Variants in PDE4D observed in about 807,000 individuals in gnomAD.
PDE4D encodes phosphodiesterase 4D, also known as 3',5'-cyclic-AMP phosphodiesterase 4D.
In PDE4D, 24 loss-of-function variants were observed where a neutral mutation model predicts 87.4. The ratio of observed to expected loss-of-function variants is 0.27; its 90% CI spans 0.20 to 0.39. The LOEUF (loss-of-function observed/expected upper bound fraction) is 0.39. Among genes scored for constraint, PDE4D ranks in the 10% least tolerant of loss-of-function variants. The pLI is 1.00. For missense variants in PDE4D, 714 were observed against 1,041.0 expected, an observed-to-expected ratio of 0.69 and a Z score of 4.32; for synonymous variants, 384 against 383.2, an observed-to-expected ratio of 1.00 and a Z score of -0.02.
chr5:59,571,274 C>G (rs1252040464), intron 1 of PDE4D, among the ~76,000 whole-genome samples: 1 of 152,212 alleles, frequency 6.6e-6, no homozygotes, highest in Non-Finnish European at 1.5e-5. Context: ...AAATACTGTA[C>G]TCAGCAGTTT....
intron 1 of PDE4D, among the ~76,000 whole-genome samples, chr5:59,548,797 T>G (rs1817672151): frequency 6.6e-6 from 1 of 152,170 alleles, no homozygotes; most frequent in Non-Finnish European, 1.5e-5. Flanking sequence ...GTCTCAGCTC[T>G]GCAGGGTGCA....
rs190651294 is a variant in PDE4D, at chr5:60,042,933, A to G, written c.43-54216T>C. On this transcript the variant is annotated intron_variant, in intron 2 of 16. Transcript: ENST00000502484. ...CTCACCAGCAAGGGAACAAAACTGG[A>G]TGGAGAATGAATTTGACAAATTGAC... Among the ~76,000 whole-genome samples, 969 of 152,254 alleles carry G rather than the reference A, an allele frequency of 6.4e-3. 11 individuals carry two copies. Among genetic ancestry groups the G allele is most frequent in the African/African-American group, 0.022 (917 of 41,562 alleles).
intron 5 of PDE4D, among the ~76,000 whole-genome samples, chr5:59,173,767 G>T (rs1024424755): frequency 6.6e-5 from 10 of 152,164 alleles, no homozygotes; most frequent in African/African-American, 2.2e-4. Flanking sequence ...AGGAAGTAGG[G>T]CTTCTCTGGC....
At chr5:60,359,054 C>T (rs1453525090) in intron 1 of PDE4D, among the ~76,000 whole-genome samples, 1 of 152,156 alleles carries the variant, frequency 6.6e-6, no homozygotes, top group Admixed American at 6.5e-5. Flanking sequence ...AGGTGGCTTC[C>T]ATTCTAAGTG....
chr5:59,053,512 A>G (rs988872403), intron 5 of PDE4D, among the ~76,000 whole-genome samples: 2 of 152,000 alleles, frequency 1.3e-5, no homozygotes, highest in Admixed American at 1.3e-4. Flanking sequence ...TTTGAGACAA[A>G]TTTGAGATTT....
chr5:59,731,889 G>T (rs1245047800), intron 1 of PDE4D, among the ~76,000 whole-genome samples: 1 of 152,130 alleles, frequency 6.6e-6, no homozygotes, highest in Non-Finnish European at 1.5e-5. Flanking sequence ...CATTAATTTG[G>T]TGTAAAGTGC....
intron 1 of PDE4D, among the ~76,000 whole-genome samples, chr5:59,290,999 A>C (rs893099372): frequency 6.6e-6 from 1 of 152,116 alleles, no homozygotes; most frequent in Non-Finnish European, 1.5e-5. Flanking sequence ...AAATTAGTAC[A>C]ACCACTATGG....
In PDE4D at chr5:59,384,990, G is replaced by A. The variant is rs184195929; in HGVS notation, c.456-169022C>T. 2.2e-3 allele frequency among the ~76,000 whole-genome samples: 327 copies of A among 152,002 alleles called. 2 individuals carry two copies. Among genetic ancestry groups the A allele is most frequent in the African/African-American group, 7.5e-3 (313 of 41,460 alleles). On this transcript the variant is annotated intron_variant, in intron 1 of 14. Transcript: ENST00000340635. Reference sequence around the variant, plus strand: ...ATATTTGCTTTACGGCTCAACTTCTGTTTTGCTAGTAGTTAATAATTGCTT... The same window carrying A: ...ATATTTGCTTTACGGCTCAACTTCTATTTTGCTAGTAGTTAATAATTGCTT...
intron 1 of PDE4D, among the ~76,000 whole-genome samples, chr5:60,217,248 T>C (rs953464551): frequency 3.1e-4 from 47 of 151,986 alleles, no homozygotes; most frequent in African/African-American, 1.1e-3. Flanking sequence ...TGCCAGACAA[T>C]GGGGACAAGG....
At position 60,343,467 on chromosome 5, in the gene PDE4D, C is replaced by T. The variant is rs138082342; in HGVS notation, c.-90+144475G>A. The stretch of plus-strand genomic sequence containing the variant: ...ATGATAACAATGATGATGATGATGA[C>T]GATGATAATGGTAGTGTCTATTAAG... On this transcript the variant is annotated intron_variant, in intron 1 of 16. Transcript: ENST00000502484. Among the ~76,000 whole-genome samples, 361 of 152,216 alleles carry T rather than the reference C, an allele frequency of 2.4e-3. 3 individuals carry two copies. The highest frequency in any genetic ancestry group is 0.015 in the South Asian group (74 of 4,820).
intron 1 of PDE4D, among the ~76,000 whole-genome samples, chr5:59,536,679 A>G (rs1460735611): frequency 6.6e-6 from 1 of 152,128 alleles, no homozygotes; most frequent in Non-Finnish European, 1.5e-5. Flanking sequence ...CTGTTATGAC[A>G]CATTTCTAAG....
chr5:59,077,282 G>A (rs1765845238), intron 5 of PDE4D, among the ~76,000 whole-genome samples: 1 of 152,018 alleles, frequency 6.6e-6, no homozygotes, highest in Non-Finnish European at 1.5e-5. Context: ...TTAAATAAAG[G>A]AGTTGTCCCT....
chr5:59,031,088 G>A (rs1411122288), intron 6 of PDE4D, among the ~76,000 whole-genome samples: 1 of 151,894 alleles, frequency 6.6e-6, no homozygotes, highest in Non-Finnish European at 1.5e-5. Context: ...AACAAGTGTT[G>A]GCAAGGATGT....
intron 1 of PDE4D, among the ~76,000 whole-genome samples, chr5:60,444,208 T>C (rs1248826958): frequency 2.0e-5 from 3 of 152,286 alleles, no homozygotes; most frequent in Non-Finnish European, 4.4e-5. Flanking sequence ...ACCCATTCTG[T>C]CCTTACTTCT....
At chr5:59,289,368 A>G (rs1033836678) in intron 1 of PDE4D, among the ~76,000 whole-genome samples, 1 of 152,040 alleles carries the variant, frequency 6.6e-6, no homozygotes, top group African/African-American at 2.4e-5. Flanking sequence ...AAAAAATAAA[A>G]AGCAAAAAAT....
At chr5:59,956,828 A>G (rs1466907978) in intron 3 of PDE4D, among the ~76,000 whole-genome samples, 1 of 152,234 alleles carries the variant, frequency 6.6e-6, no homozygotes, top group African/African-American at 2.4e-5. Flanking sequence ...TAGACTGACT[A>G]GTCCAATTCC....
At chr5:60,390,360 CTG>C (rs1301171271) in intron 1 of PDE4D, among the ~76,000 whole-genome samples, 2 of 152,212 alleles carry the variant, frequency 1.3e-5, no homozygotes, top group East Asian at 1.9e-4. Context: ...CAACAGTACT[CTG>C]TGACCTCTGG....
chr5:60,088,821 A>C (rs1774807220), intron 2 of PDE4D, among the ~76,000 whole-genome samples: 1 of 152,084 alleles, frequency 6.6e-6, no homozygotes, highest in Admixed American at 6.5e-5. Context: ...ACATATCAAT[A>C]ATATTCAAAC....
At chr5:59,835,029 G>A (rs1184316266) in intron 1 of PDE4D, among the ~76,000 whole-genome samples, 1 of 151,954 alleles carries the variant, frequency 6.6e-6, no homozygotes, top group Non-Finnish European at 1.5e-5. Flanking sequence ...ATTTTAAATG[G>A]TGCAACAAGC....
Sources: gnomAD v4.1 joint callset for allele counts (sites outside exome capture counted in the v4.1 genomes callset) on GRCh38, gnomAD v4.1.1 for gene constraint, MANE v1.5 for transcripts, NCBI Gene and HGNC (gene_info 2026-07-23, HGNC 2026-07-21) for gene names.